The following CYP2C19 variants were observed in gnomAD, a reference collection of about 807,000 sequenced individuals.
CYP2C19 encodes the protein cytochrome P450 family 2 subfamily C member 19, also known as cytochrome P450 2C19.
Under a neutral mutation model 40.9 loss-of-function variants are expected in CYP2C19, and 59 were observed. The observed-to-expected ratio is 1.44, with a 90% CI of 1.17 to 1.79. The LOEUF (loss-of-function observed/expected upper bound fraction) is 1.79. Ranked by LOEUF, CYP2C19 falls within the 40% of genes most tolerant of loss-of-function variation. The pLI is 0.00. For missense variants in CYP2C19, 754 were observed against 596.9 expected (o/e 1.26, Z -2.74); for synonymous variants, 253 against 208.7 (o/e 1.21, Z -1.83).
intron 5 of CYP2C19, among the ~76,000 whole-genome samples, chr10:94,785,893 T>C (rs955275673): frequency 6.6e-6 from 1 of 152,008 alleles, no homozygotes; most frequent in Non-Finnish European, 1.5e-5. Context: ...AAGTGGAAAG[T>C]CCATTTGCAT....
At chr10:94,795,102 C>G (rs1002700664) in intron 5 of CYP2C19, among the ~76,000 whole-genome samples, 1 of 150,264 alleles carries the variant, frequency 6.7e-6, no homozygotes, top group African/African-American at 2.4e-5. Flanking sequence ...TGTGCTGCAC[C>G]CATTAACTCA....
At chr10:94,774,963 G>T in intron 1 of CYP2C19, 95 bp from the exon 2 acceptor site, 1 of 1,315,722 alleles carries the variant, frequency 7.6e-7, no homozygotes, top group Non-Finnish European at 1.1e-6. Context: ...CTGAATAAAA[G>T]CATACAAATA....
chr10:94,803,868 C>T (rs538892204), intron 5 of CYP2C19, among the ~76,000 whole-genome samples: 2 of 152,022 alleles, frequency 1.3e-5, no homozygotes, highest in African/African-American at 4.8e-5. Context: ...TCCAGGTGAG[C>T]AGGTGCTTTG....
intron 5 of CYP2C19, among the ~76,000 whole-genome samples, chr10:94,805,247 G>A (rs1327051914): frequency 2.6e-5 from 4 of 151,930 alleles, no homozygotes; most frequent in African/African-American, 9.7e-5. Context: ...ATAGTTTTAT[G>A]AGTATTTTTG....
intron 1 of CYP2C19, chr10:94,773,736 C>A (rs1020212781): frequency 6.6e-6 from 1 of 152,202 alleles, no homozygotes; most frequent in Non-Finnish European, 1.5e-5. Context: ...CAGACCTTTG[C>A]AGTGAGTGTT....
chr10:94,853,296 T>C lies in CYP2C19; in HGVS notation c.*382T>C, dbSNP rs903643995. The C allele has an allele frequency of 1.3e-4, 49 of 384,418 alleles. No individual in the cohort carries two copies. Among genetic ancestry groups the C allele is most frequent in the African/African-American group, 8.8e-4 (40 of 45,550 alleles). The allele number at this position is 384,418 out of a possible 1,614,324, so 23.8% of individuals were successfully genotyped here. ...TAGACCTTCCTTCCTTTGTGCATAA[T>C]GCAGGTGACAAATTAAAGAAAATAG... On this transcript the variant is annotated 3_prime_UTR_variant, in exon 9 of 9. Transcript: ENST00000371321.
chr10:94,794,572 A>C (rs1848656158), intron 5 of CYP2C19, among the ~76,000 whole-genome samples: 1 of 151,876 alleles, frequency 6.6e-6, no homozygotes, highest in Non-Finnish European at 1.5e-5. Context: ...GTCCTCTTTT[A>C]TTTTGTTGAG....
intron 3 of CYP2C19, among the ~76,000 whole-genome samples, chr10:94,778,028 CAT>C (rs1042045071): frequency 6.6e-6 from 1 of 152,104 alleles, no homozygotes; most frequent in African/African-American, 2.4e-5. Context: ...AATGAGTACT[CAT>C]ATACAGGTAT....
chr10:94,829,298 C>T (rs1284020421), intron 6 of CYP2C19, among the ~76,000 whole-genome samples: 2 of 152,192 alleles, frequency 1.3e-5, no homozygotes, highest in Non-Finnish European at 2.9e-5. Flanking sequence ...CTTTCAGGTA[C>T]ACCAATCCGA....
chr10:94,793,787 A>T (rs180839838), intron 5 of CYP2C19, among the ~76,000 whole-genome samples: 1 of 152,162 alleles, frequency 6.6e-6, no homozygotes, highest in African/African-American at 2.4e-5. Flanking sequence ...GGTGTCTCCC[A>T]GTTAGGCTAC....
chr10:94,838,108 T>A (rs966512585), intron 6 of CYP2C19, among the ~76,000 whole-genome samples: 1 of 151,778 alleles, frequency 6.6e-6, no homozygotes, highest in Admixed American at 6.6e-5. Flanking sequence ...CCTTTCCCTG[T>A]GTTATAGTGG....
intron 6 of CYP2C19, among the ~76,000 whole-genome samples, chr10:94,840,622 T>C (rs922591715): frequency 6.6e-6 from 1 of 152,140 alleles, no homozygotes; most frequent in African/African-American, 2.4e-5. Context: ...CCAGGAGGTA[T>C]GGGTCAGAAG....
chr10:94,850,296 G>C (rs1220347318), intron 8 of CYP2C19, among the ~76,000 whole-genome samples: 2 of 152,144 alleles, frequency 1.3e-5, no homozygotes, highest in Admixed American at 6.6e-5. Flanking sequence ...GTATAGGTTG[G>C]TTGAATTCTG....
intron 1 of CYP2C19, among the ~76,000 whole-genome samples, chr10:94,763,316 G>A (rs17882066): frequency 0.17 from 25,181 of 151,966 alleles, 2,283 homozygotes; most frequent in South Asian, 0.33. Flanking sequence ...AAAGGAAGCA[G>A]CTGTGGGTTT....
chr10:94,805,918 A>G (rs935523449), intron 5 of CYP2C19, among the ~76,000 whole-genome samples: 28 of 152,138 alleles, frequency 1.8e-4, no homozygotes, highest in Admixed American at 1.4e-3. Flanking sequence ...TAAAATTCCC[A>G]TTCCCTTATC....
intron 5 of CYP2C19, among the ~76,000 whole-genome samples, chr10:94,803,360 G>A (rs1358541859): frequency 1.3e-5 from 2 of 152,080 alleles, no homozygotes; most frequent in East Asian, 1.9e-4. Flanking sequence ...TTTTATATCG[G>A]CCTGTGCAGT....
chr10:94,839,336 C>A (rs1307031063), intron 6 of CYP2C19, among the ~76,000 whole-genome samples: 2 of 152,010 alleles, frequency 1.3e-5, no homozygotes, highest in African/African-American at 4.8e-5. Flanking sequence ...ACCCATGGAC[C>A]TCTGCTAATC....
chr10:94,813,295 G>T (rs939693877), intron 5 of CYP2C19, among the ~76,000 whole-genome samples: 12 of 151,980 alleles, frequency 7.9e-5, no homozygotes, highest in African/African-American at 2.2e-4. Context: ...TTTGTATGAG[G>T]TGTCTGTTGA....
At chr10:94,845,648 T>C (rs1232706489) in intron 7 of CYP2C19, among the ~76,000 whole-genome samples, 1 of 152,186 alleles carries the variant, frequency 6.6e-6, no homozygotes, top group African/African-American at 2.4e-5. Context: ...TTTTTATTTG[T>C]AGTATGGAGT....
Sources: gnomAD v4.1 joint callset for allele counts (sites outside exome capture counted in the v4.1 genomes callset) on GRCh38, gnomAD v4.1.1 for gene constraint, MANE v1.5 for transcripts, NCBI Gene and HGNC (gene_info 2026-07-23, HGNC 2026-07-21) for gene names.